The following SMIM45 variants were observed in gnomAD, a reference collection of about 807,000 sequenced individuals.
SMIM45 encodes the protein long intergenic non-protein coding RNA 634.
At chr22:41,948,374 T>C in the SMIM45 span, among the ~76,000 whole-genome samples, 1 of 152,172 alleles carries the variant, frequency 6.6e-6, no homozygotes, top group Non-Finnish European at 1.5e-5. Flanking sequence ...TTGATTAACT[T>C]AGTTTGATGG....
At chr22:41,956,135 G>A in the SMIM45 span, among the ~76,000 whole-genome samples, 3 of 151,672 alleles carry the variant, frequency 2.0e-5, no homozygotes, top group South Asian at 4.2e-4. Flanking sequence ...TCAGCCTCCC[G>A]GGTAACTGGG....
chr22:41,946,970 A>G, the SMIM45 span: 1 of 1,592,916 alleles, frequency 6.3e-7, no homozygotes, highest in Non-Finnish European at 8.6e-7. Flanking sequence ...TGGCTGAAGC[A>G]CCGCCCAGGA....
At chr22:41,948,235 G>A in the SMIM45 span, among the ~76,000 whole-genome samples, 1 of 152,172 alleles carries the variant, frequency 6.6e-6, no homozygotes, top group Non-Finnish European at 1.5e-5. Flanking sequence ...GTACATCGTA[G>A]TTAATAAATA....
At chr22:41,947,669 CTTTT>C in the SMIM45 span, among the ~76,000 whole-genome samples, 1 of 125,236 alleles carries the variant, frequency 8.0e-6, no homozygotes, top group Non-Finnish European at 1.7e-5. Flanking sequence ...GTGCCTGGCC[CTTTT>C]TTTTTTTTTT....
chr22:41,950,544 A>G, the SMIM45 span, among the ~76,000 whole-genome samples: 1 of 152,230 alleles, frequency 6.6e-6, no homozygotes, highest in Admixed American at 6.5e-5. Flanking sequence ...CAAAAAGTAC[A>G]AAAATCAGCT....
chr22:41,952,362 T>A, the SMIM45 span: 4 of 152,332 alleles, frequency 2.6e-5, no homozygotes, highest in African/African-American at 9.6e-5. Context: ...GCTGAGCTGC[T>A]CAGGCTGAGG....
the SMIM45 span, among the ~76,000 whole-genome samples, chr22:41,951,985 G>A: frequency 6.6e-6 from 1 of 152,334 alleles, no homozygotes; most frequent in East Asian, 1.9e-4. Flanking sequence ...CCCCAATCCT[G>A]CCGCTCTGTC....
chr22:41,948,679 A>AGAG, the SMIM45 span, among the ~76,000 whole-genome samples: 1 of 152,168 alleles, frequency 6.6e-6, no homozygotes, highest in Non-Finnish European at 1.5e-5. Context: ...GCACTTTGGG[A>AGAG]GACCGAGGCG....
the SMIM45 span, among the ~76,000 whole-genome samples, chr22:41,956,494 G>C: frequency 1.3e-5 from 2 of 152,214 alleles, no homozygotes; most frequent in Admixed American, 1.3e-4. Context: ...TGGCTAGGGC[G>C]TGCAGGTGGC....
At chr22:41,947,160 G>A in the SMIM45 span, 11 of 1,324,750 alleles carry the variant, frequency 8.3e-6, no homozygotes, top group South Asian at 1.2e-5. Flanking sequence ...AGCGCGGCCT[G>A]GGGGCACGTG....
At chr22:41,952,495 C>G in the SMIM45 span, 1 of 152,248 alleles carries the variant, frequency 6.6e-6, no homozygotes, top group Non-Finnish European at 1.5e-5. Flanking sequence ...GCTCTGCAAA[C>G]TCACACTGTC....
the SMIM45 span, chr22:41,958,358 G>A: frequency 0.021 from 9,782 of 456,578 alleles, 765 homozygotes; most frequent in African/African-American, 0.17. Flanking sequence ...TAAGAACCTC[G>A]TTTGGAGGGA....
the SMIM45 span, among the ~76,000 whole-genome samples, chr22:41,956,070 C>T: frequency 2.0e-5 from 3 of 150,544 alleles, no homozygotes; most frequent in Non-Finnish European, 4.4e-5. Flanking sequence ...AGTGCAGTGG[C>T]GGGATCACAG....
the SMIM45 span, among the ~76,000 whole-genome samples, chr22:41,957,007 C>T: frequency 1.3e-5 from 2 of 152,034 alleles, no homozygotes; most frequent in African/African-American, 4.8e-5. Flanking sequence ...TCTTGAACTC[C>T]TGACCTCAGG....
chr22:41,954,165 G>C, the SMIM45 span, among the ~76,000 whole-genome samples: 1 of 151,040 alleles, frequency 6.6e-6, no homozygotes, highest in Non-Finnish European at 1.5e-5. Context: ...TGTAAAATGG[G>C]GATAGGAATA....
chr22:41,947,179 T>G, the SMIM45 span: 319 of 1,088,164 alleles, frequency 2.9e-4, 1 homozygote, highest in Non-Finnish European at 4.1e-4. Context: ...TGCCTCCTTA[T>G]AGGCGGGGCT....
At chr22:41,954,180 C>T in the SMIM45 span, among the ~76,000 whole-genome samples, 1 of 150,790 alleles carries the variant, frequency 6.6e-6, no homozygotes, top group Non-Finnish European at 1.5e-5. Context: ...GGAATAGCAC[C>T]CACGTCCTAA....
At chr22:41,952,861 T>A in the SMIM45 span, among the ~76,000 whole-genome samples, 1 of 152,118 alleles carries the variant, frequency 6.6e-6, no homozygotes, top group African/African-American at 2.4e-5. Context: ...GGAAGGAAAC[T>A]GGGGGCCTGG....
At chr22:41,947,252 T>C in the SMIM45 span, 1 of 612,506 alleles carries the variant, frequency 1.6e-6, no homozygotes. Context: ...TGAGGGGCGT[T>C]CCAGCGCTAC....
Sources: allele counts gnomAD v4.1 joint callset (sites outside exome capture counted in the v4.1 genomes callset), GRCh38; gene constraint gnomAD v4.1.1; transcripts MANE v1.5; gene names NCBI Gene and HGNC (gene_info 2026-07-23, HGNC 2026-07-21).